ESRRB: variants seen among roughly 807,000 people sequenced by gnomAD.
ESRRB encodes steroid hormone receptor ERR2.
ESRRB carries 16 observed loss-of-function variants against 46.0 expected under a neutral mutation model. The ratio of observed to expected loss-of-function variants is 0.35; its 90% CI spans 0.24 to 0.53. ESRRB has a LOEUF of 0.53. Ranked by LOEUF, ESRRB falls within the 20% of genes least tolerant of loss-of-function variation. ESRRB has a pLI of 0.93. For missense variants in ESRRB, 488 were observed against 607.4 expected (o/e 0.80, Z 2.07); for synonymous variants, 246 against 259.6 (o/e 0.95, Z 0.50).
At chr14:76,456,761 C>T (rs1402314802) in intron 2 of ESRRB, among the ~76,000 whole-genome samples, 1 of 152,106 alleles carries the variant, frequency 6.6e-6, no homozygotes, top group African/African-American at 2.4e-5. Context: ...AGATCATTGC[C>T]AATTTCGTGA....
At chr14:76,374,629 T>C (rs1238366871), upstream of ESRRB, among the ~76,000 whole-genome samples, 1 of 152,162 alleles carries the variant, frequency 6.6e-6, no homozygotes, top group Non-Finnish European at 1.5e-5. Flanking sequence ...ACTGAGGTCC[T>C]GGTGAGAGAT....
chr14:76,491,425 T>C, intron 5 of ESRRB, 22 bp from the exon 6 acceptor site: 1 of 1,606,600 alleles, frequency 6.2e-7, no homozygotes, highest in East Asian at 2.2e-5. Context: ...GCTGCTGCCC[T>C]CTGTGCCCCC....
At chr14:76,362,265 TCA>T (rs2139772731) in intron 1 of ESRRB, among the ~76,000 whole-genome samples, 1 of 152,274 alleles carries the variant, frequency 6.6e-6, no homozygotes, top group South Asian at 2.1e-4. Context: ...GGCAGCGAGG[TCA>T]CAGATTGTCT....
intron 1 of ESRRB, among the ~76,000 whole-genome samples, chr14:76,315,870 C>G (rs1883793923): frequency 6.6e-6 from 1 of 152,188 alleles, no homozygotes; most frequent in Non-Finnish European, 1.5e-5. Flanking sequence ...AGGATGTGAC[C>G]TGGGCTTTGG....
At chr14:76,420,558 AGTGT>A (rs61137774) in intron 1 of ESRRB, among the ~76,000 whole-genome samples, 8,702 of 142,322 alleles carry the variant, frequency 0.061, 366 homozygotes, top group East Asian at 0.19. Context: ...ACAGGGTGTG[AGTGT>A]GTGTGTGTGT....
upstream of ESRRB, among the ~76,000 whole-genome samples, chr14:76,370,888 T>C (rs1370743217): frequency 2.6e-5 from 4 of 152,174 alleles, no homozygotes; most frequent in Non-Finnish European, 5.9e-5. Context: ...AACTTTAATA[T>C]ATCAATCAGC....
intron 3 of ESRRB, among the ~76,000 whole-genome samples, chr14:76,479,853 A>C (rs1889736371): frequency 6.6e-6 from 1 of 152,116 alleles, no homozygotes; most frequent in Non-Finnish European, 1.5e-5. Context: ...CCGTATTCCC[A>C]ATAGGGGAAT....
chr14:76,330,611 G>C (rs534599817), intron 1 of ESRRB, among the ~76,000 whole-genome samples: 30 of 152,312 alleles, frequency 2.0e-4, no homozygotes, highest in Admixed American at 1.1e-3. Context: ...ACTAAGAATC[G>C]AGGAAGGGAG....
chr14:76,337,972 G>C (rs932962499), intron 1 of ESRRB, among the ~76,000 whole-genome samples: 1 of 152,182 alleles, frequency 6.6e-6, no homozygotes, highest in Non-Finnish European at 1.5e-5. Flanking sequence ...GCAGCCGCCT[G>C]TCTCTGATTT....
At chr14:76,434,435 G>C (rs1216856122) in intron 1 of ESRRB, among the ~76,000 whole-genome samples, 1 of 152,128 alleles carries the variant, frequency 6.6e-6, no homozygotes, top group African/African-American at 2.4e-5. Context: ...GGGATCACTT[G>C]AGGTCAGGAA....
At chr14:76,487,505 C>CTTT in intron 5 of ESRRB, among the ~76,000 whole-genome samples, 1 of 147,954 alleles carries the variant, frequency 6.8e-6, no homozygotes, top group South Asian at 2.2e-4. Flanking sequence ...CATTAGTTAC[C>CTTT]TTTTTTTTTT....
At chr14:76,476,123 C>T (rs1342819960) in intron 3 of ESRRB, among the ~76,000 whole-genome samples, 1 of 151,480 alleles carries the variant, frequency 6.6e-6, no homozygotes, top group Admixed American at 6.6e-5. Flanking sequence ...GTTGCCCAGG[C>T]TGGAGTGAAA....
intron 1 of ESRRB, among the ~76,000 whole-genome samples, chr14:76,437,319 A>G (rs1476066108): frequency 6.6e-6 from 1 of 152,160 alleles, no homozygotes; most frequent in Non-Finnish European, 1.5e-5. Context: ...GGCATGAGCC[A>G]CCACGCCCAG....
At chr14:76,494,409 C>T (rs1350946906) in intron 6 of ESRRB, among the ~76,000 whole-genome samples, 7 of 150,984 alleles carry the variant, frequency 4.6e-5, no homozygotes, top group African/African-American at 7.3e-5. Context: ...TGGGTTCAAG[C>T]GATTCTCTTG....
At chr14:76,390,343 G>T (rs1018225036) in intron 1 of ESRRB, among the ~76,000 whole-genome samples, 1 of 152,150 alleles carries the variant, frequency 6.6e-6, no homozygotes, top group African/African-American at 2.4e-5. Flanking sequence ...ACAAAAATCA[G>T]CCAGGCGTGG....
chr14:76,499,935 C>CA lies in ESRRB; in HGVS notation c.*1479dup. The CA allele has an allele frequency of 6.2e-7, 1 of 1,613,722 alleles. No individual in the cohort carries two copies. Among genetic ancestry groups the CA allele is most frequent in the Non-Finnish European group, 8.5e-7 (1 of 1,179,888 alleles). ...AAGCCATGATGGAAAATGCCCCTTC[C>CA]AATCAGCTGCCTTCACAAGCAGGGA... On this transcript the variant is annotated 3_prime_UTR_variant, in exon 7 of 7. Transcript: ENST00000644823.
intron 1 of ESRRB, among the ~76,000 whole-genome samples, chr14:76,358,318 A>G (rs1482415246): frequency 1.2e-5 from 1 of 82,800 alleles, no homozygotes; most frequent in Admixed American, 1.5e-4. Flanking sequence ...TCTCAAAAAA[A>G]AAAAAAAAGA....
intron 1 of ESRRB, among the ~76,000 whole-genome samples, chr14:76,429,665 G>A (rs1041187696): frequency 9.2e-5 from 14 of 152,152 alleles, no homozygotes; most frequent in South Asian, 2.1e-4. Flanking sequence ...CAAGAGAATC[G>A]CTTGAACCCG....
chr14:76,467,415 T>G (rs1595147928), intron 3 of ESRRB, among the ~76,000 whole-genome samples: 1 of 150,486 alleles, frequency 6.6e-6, no homozygotes, highest in Non-Finnish European at 1.5e-5. Context: ...GCAGGAGCAT[T>G]GCTTGAACCC....
Sources: gnomAD v4.1 joint callset for allele counts (sites outside exome capture counted in the v4.1 genomes callset) on GRCh38, gnomAD v4.1.1 for gene constraint, MANE v1.5 for transcripts, NCBI Gene and HGNC (gene_info 2026-07-23, HGNC 2026-07-21) for gene names.